The following B4GALT5 variants were observed in gnomAD, a reference collection of about 807,000 sequenced individuals.
B4GALT5 encodes beta-1,4-galactosyltransferase 5, also known as UDP-Gal:beta-GlcNAc beta-1,4-galactosyltransferase 5.
Under a neutral mutation model 45.0 loss-of-function variants are expected in B4GALT5, and 11 were observed. The observed-to-expected ratio is 0.24, with a 90% CI of 0.15 to 0.40. The LOEUF (loss-of-function observed/expected upper bound fraction) is 0.40, where lower values mean the gene tolerates loss of function less well. Among genes scored for constraint, B4GALT5 ranks in the 10% least tolerant of loss-of-function variants. The pLI, the probability that B4GALT5 is intolerant of heterozygous loss-of-function variation, is 1.00. For synonymous variants in B4GALT5, 185 were observed against 182.9 expected, an observed-to-expected ratio of 1.01 and a Z score of -0.09; for missense variants, 337 against 500.2, an observed-to-expected ratio of 0.67 and a Z score of 3.11.
At chr20:49,648,371 A>C (rs1486082789) in intron 2 of B4GALT5, among the ~76,000 whole-genome samples, 1 of 152,202 alleles carries the variant, frequency 6.6e-6, no homozygotes, top group Non-Finnish European at 1.5e-5. Flanking sequence ...GGGGTTATTA[A>C]GTCTCCAGCT....
At chr20:49,671,646 C>T (rs2085716426) in intron 1 of B4GALT5, among the ~76,000 whole-genome samples, 2 of 152,118 alleles carry the variant, frequency 1.3e-5, no homozygotes, top group East Asian at 1.9e-4. Context: ...TGTTACAATG[C>T]AACATTTCCA....
intron 1 of B4GALT5, among the ~76,000 whole-genome samples, chr20:49,677,636 G>T (rs1314798867): frequency 6.6e-6 from 1 of 152,166 alleles, no homozygotes; most frequent in Non-Finnish European, 1.5e-5. Flanking sequence ...CAGCTGAAAG[G>T]ATAAAACAAA....
chr20:49,651,058 T>TGGGAGGCCAAGGC (rs1356989155), intron 2 of B4GALT5, among the ~76,000 whole-genome samples: 1 of 152,130 alleles, frequency 6.6e-6, no homozygotes, highest in East Asian at 1.9e-4. Context: ...CCAAGGCGGA[T>TGGGAGGCCAAGGC]GGATCACCCA....
At chr20:49,699,119 A>C (rs1326650784) in intron 1 of B4GALT5, among the ~76,000 whole-genome samples, 1 of 152,168 alleles carries the variant, frequency 6.6e-6, no homozygotes, top group Non-Finnish European at 1.5e-5. Context: ...AAATGACGTT[A>C]ATAGCAACAT....
At chr20:49,642,359 C>T in intron 5 of B4GALT5, 109 bp downstream of exon 5, 1 of 837,862 alleles carries the variant, frequency 1.2e-6, no homozygotes, top group South Asian at 1.7e-5. Context: ...CAACTCGATC[C>T]TAAGATTTCA....
At chr20:49,708,931 CA>C (rs71186472) in intron 1 of B4GALT5, among the ~76,000 whole-genome samples, 108,084 of 135,852 alleles carry the variant, frequency 0.8, 42,211 homozygotes, top group Middle Eastern at 0.94. Flanking sequence ...GACTCCATCT[CA>C]AAAAAAAAAA....
At chr20:49,703,067 G>C (rs939803469) in intron 1 of B4GALT5, among the ~76,000 whole-genome samples, 1 of 148,554 alleles carries the variant, frequency 6.7e-6, no homozygotes, top group Non-Finnish European at 1.5e-5. Flanking sequence ...CCAGCTACTC[G>C]ACAGTCTGAG....
chr20:49,681,297 T>C (rs1327224674), intron 1 of B4GALT5, among the ~76,000 whole-genome samples: 7 of 151,480 alleles, frequency 4.6e-5, no homozygotes, highest in Admixed American at 6.6e-5. Flanking sequence ...ACTGAGGTTC[T>C]GTATTTAAAA....
chr20:49,684,664 A>G, intron 1 of B4GALT5: 1 of 518,544 alleles, frequency 1.9e-6, no homozygotes, highest in Admixed American at 1.9e-5. Context: ...TCTACAACAG[A>G]AAGAAATCAA....
intron 1 of B4GALT5, among the ~76,000 whole-genome samples, chr20:49,684,219 TCTTGTATATGGTGAGCG>T (rs1394098120): frequency 6.7e-6 from 1 of 150,254 alleles, no homozygotes; most frequent in African/African-American, 2.5e-5. Flanking sequence ...TCTAAGGGAG[TCTTGTATATGGTGAGCG>T]CTAATGTGTT....
At chr20:49,663,355 A>C (rs972771735) in intron 1 of B4GALT5, among the ~76,000 whole-genome samples, 4 of 152,048 alleles carry the variant, frequency 2.6e-5, no homozygotes, top group African/African-American at 9.7e-5. Flanking sequence ...CTTCCCCAAA[A>C]ATAAGGTGAG....
At chr20:49,680,321 C>G (rs1285845376) in intron 1 of B4GALT5, among the ~76,000 whole-genome samples, 2 of 152,058 alleles carry the variant, frequency 1.3e-5, no homozygotes, top group Non-Finnish European at 2.9e-5. Context: ...CAAAGAATTC[C>G]TGTCAGAAAT....
chr20:49,639,557 A>T (rs549662610), intron 7 of B4GALT5, 121 bp downstream of exon 7: 1 of 1,412,760 alleles, frequency 7.1e-7, no homozygotes, highest in Non-Finnish European at 9.5e-7. Context: ...AACCTTTTAA[A>T]CTGTAGCTAC....
intron 1 of B4GALT5, among the ~76,000 whole-genome samples, chr20:49,679,006 G>A (rs1201134272): frequency 6.6e-6 from 1 of 152,192 alleles, no homozygotes; most frequent in African/African-American, 2.4e-5. Flanking sequence ...AAAAGGGGCT[G>A]GGGGTGGGGA....
At position 49,690,003 on chromosome 20, in the gene B4GALT5, GTTAT is replaced by G. The variant is rs1462660686; in HGVS notation, c.115+23569_115+23572del. Among the ~76,000 whole-genome samples, 3 of 152,018 alleles carry G rather than the reference GTTAT, an allele frequency of 2.0e-5. No homozygotes were observed. The East Asian group carries it at 5.8e-4, about 29-fold the overall frequency. ...ACATAGCACAAGTGTTTTTGTTGTT[GTTAT>G]TTGTTTGTTTGTTTTTGAGACAGTC... On this transcript the variant is annotated intron_variant, in intron 1 of 8. Transcript: ENST00000371711.
chr20:49,674,871 A>G (rs914101069), intron 1 of B4GALT5, among the ~76,000 whole-genome samples: 1 of 152,228 alleles, frequency 6.6e-6, no homozygotes, highest in Non-Finnish European at 1.5e-5. Flanking sequence ...AAAAGTCCAT[A>G]AAACCTGGCT....
At chr20:49,697,141 G>A (rs2085842533) in intron 1 of B4GALT5, among the ~76,000 whole-genome samples, 1 of 152,174 alleles carries the variant, frequency 6.6e-6, no homozygotes, top group Non-Finnish European at 1.5e-5. Context: ...GTGGGCTTTG[G>A]TCAAAGCTGA....
chr20:49,658,659 T>C (rs1372274048), intron 1 of B4GALT5, among the ~76,000 whole-genome samples: 1 of 152,174 alleles, frequency 6.6e-6, no homozygotes, highest in African/African-American at 2.4e-5. Flanking sequence ...AACTGGAGGA[T>C]TCCTCTAGGG....
rs74587239 is a variant in B4GALT5 at position 49,697,446 on chromosome 20, T to C, written c.115+16130A>G. ...CCTCTGGAAACGTCACTGTGATCAATGGCTTCAACCCTCCTCTACCTCATA... is the reference window on the plus strand; with the variant it reads ...CCTCTGGAAACGTCACTGTGATCAACGGCTTCAACCCTCCTCTACCTCATA... On this transcript the variant is annotated intron_variant, in intron 1 of 8. Transcript: ENST00000371711. 9.8e-4 allele frequency among the ~76,000 whole-genome samples: 150 copies of C among 152,350 alleles called. 2 individuals carry two copies. In the East Asian group the frequency reaches 0.027, roughly 28 times the overall value.
Sources: gnomAD v4.1 joint callset for allele counts (sites outside exome capture counted in the v4.1 genomes callset) on GRCh38, gnomAD v4.1.1 for gene constraint, MANE v1.5 for transcripts, NCBI Gene and HGNC (gene_info 2026-07-23, HGNC 2026-07-21) for gene names.